The following CCDC171 variants were observed in gnomAD, a reference collection of about 807,000 sequenced individuals.
CCDC171 encodes the protein coiled-coil domain containing 171.
Under a neutral mutation model 168.2 loss-of-function variants are expected in CCDC171, and 177 were observed. The observed-to-expected ratio is 1.05, with a 90% CI of 0.93 to 1.19. CCDC171 has a LOEUF of 1.19. CCDC171 is among the 50% of genes most tolerant of loss of function. The pLI, the probability that CCDC171 is intolerant of heterozygous loss-of-function variation, is 0.00. For missense variants in CCDC171, 1,991 were observed against 1,539.0 expected, an observed-to-expected ratio of 1.29 and a Z score of -4.91; for synonymous variants, 687 against 540.8, an observed-to-expected ratio of 1.27 and a Z score of -3.75.
intron 21 of CCDC171, among the ~76,000 whole-genome samples, chr9:15,824,442 C>G (rs570594849): frequency 6.6e-6 from 1 of 151,726 alleles, no homozygotes; most frequent in African/African-American, 2.4e-5. Flanking sequence ...TTGTCATTTG[C>G]GTGTTCAGTC....
At chr9:16,035,180 G>A (rs753659894) in intron 6 of CCDC171, among the ~76,000 whole-genome samples, 50 of 152,280 alleles carry the variant, frequency 3.3e-4, no homozygotes, top group Non-Finnish European at 5.0e-4. Context: ...GTTTATAACA[G>A]CATTTGGAGA....
At chr9:15,967,569 A>G (rs1830926517) in intron 25 of CCDC171, among the ~76,000 whole-genome samples, 1 of 152,196 alleles carries the variant, frequency 6.6e-6, no homozygotes, top group Non-Finnish European at 1.5e-5. Flanking sequence ...GGTTTATAGT[A>G]TATTCTGTCA....
chr9:15,906,459 A>G (rs185817143), intron 24 of CCDC171, among the ~76,000 whole-genome samples: 2 of 152,372 alleles, frequency 1.3e-5, no homozygotes, highest in East Asian at 3.9e-4. Flanking sequence ...AAGGCCTTTG[A>G]CAAAATTGGA....
chr9:15,746,806 C>G (rs1352046953), intron 18 of CCDC171, among the ~76,000 whole-genome samples: 1 of 152,162 alleles, frequency 6.6e-6, no homozygotes, highest in East Asian at 1.9e-4. Context: ...TGTCACCTCA[C>G]CTGGGAAGCA....
At chr9:15,638,219 G>C (rs1206989409) in intron 7 of CCDC171, among the ~76,000 whole-genome samples, 1 of 152,002 alleles carries the variant, frequency 6.6e-6, no homozygotes, top group Non-Finnish European at 1.5e-5. Context: ...AGTCTTCTAA[G>C]TTACCTATGA....
chr9:15,818,269 A>T (rs1241843592), intron 21 of CCDC171, among the ~76,000 whole-genome samples: 1 of 117,432 alleles, frequency 8.5e-6, no homozygotes, highest in Non-Finnish European at 1.9e-5. Flanking sequence ...AATACTGGAA[A>T]CTGTAAAAAA....
rs1158329351 is a variant in CCDC171, at chr9:15,817,652, C to T, written c.3268-29050C>T. On this transcript the variant is annotated intron_variant, in intron 21 of 25. Coordinates refer to ENST00000380701, the MANE Select transcript of CCDC171 (RefSeq NM_173550.4). ...GGTGGCAGGGAGGCTGGGGGAGGGG[C>T]GCCTGCCATTGCTGAGGCTTGAGTA... 3.4e-5 allele frequency among the ~76,000 whole-genome samples: 4 copies of T among 118,350 alleles called. 1 individual carries two copies. Among genetic ancestry groups the T allele is most frequent in the Non-Finnish European group, 7.6e-5 (4 of 52,428 alleles). 77.6% of individuals were successfully genotyped at this position (118,350 alleles called of 152,430 possible). A position where few individuals can be genotyped will look rare whatever the true frequency, so the allele number is the denominator to read the frequency against.
intron 25 of CCDC171, among the ~76,000 whole-genome samples, chr9:15,946,258 G>A (rs7852381): frequency 0.024 from 3,700 of 152,040 alleles, 129 homozygotes; most frequent in African/African-American, 0.083. Flanking sequence ...TTTGGTACCA[G>A]TACCATGCTG....
chr9:15,801,631 A>C (rs952580922), intron 21 of CCDC171, among the ~76,000 whole-genome samples: 3 of 151,986 alleles, frequency 2.0e-5, no homozygotes, highest in Non-Finnish European at 4.4e-5. Flanking sequence ...TGATTGCTCG[A>C]GCTAGGACTT....
chr9:15,711,700 G>C (rs2052679683), intron 11 of CCDC171, among the ~76,000 whole-genome samples: 1 of 152,172 alleles, frequency 6.6e-6, no homozygotes, highest in Admixed American at 6.5e-5. Context: ...GGGAAAGTAA[G>C]GTCAGATAAA....
chr9:15,664,693 TG>T (rs1356806098), intron 8 of CCDC171, among the ~76,000 whole-genome samples: 359 of 139,240 alleles, frequency 2.6e-3, no homozygotes, highest in African/African-American at 8.7e-3. Flanking sequence ...AATATAGTTT[TG>T]TTTTTTTTTT....
downstream of CCDC171, among the ~76,000 whole-genome samples, chr9:15,974,569 A>G (rs1229174629): frequency 2.0e-5 from 3 of 152,220 alleles, no homozygotes; most frequent in Admixed American, 1.3e-4. Flanking sequence ...ATTAATTCTT[A>G]AAGTTATTGT....
intron 6 of CCDC171, among the ~76,000 whole-genome samples, chr9:15,616,436 T>G (rs2044089278): frequency 6.6e-6 from 1 of 151,962 alleles, no homozygotes. Context: ...TAATTTATTT[T>G]ACTATTTTAT....
At chr9:16,027,863 G>A (rs987652469) in intron 6 of CCDC171, among the ~76,000 whole-genome samples, 3 of 152,128 alleles carry the variant, frequency 2.0e-5, no homozygotes, top group African/African-American at 4.8e-5. Context: ...CATGGAATTG[G>A]GAAATATTGT....
At chr9:15,713,147 C>T (rs2052802295) in intron 11 of CCDC171, among the ~76,000 whole-genome samples, 1 of 152,198 alleles carries the variant, frequency 6.6e-6, no homozygotes, top group Admixed American at 6.5e-5. Context: ...TTCTCTCATT[C>T]TAGGAAGAAT....
In CCDC171 at chr9:15,627,640, C is replaced by T. The variant is rs538765108; in HGVS notation, c.822+4227C>T. 7.9e-4 allele frequency among the ~76,000 whole-genome samples: 121 copies of T among 152,302 alleles called. 1 individual carries two copies. Among genetic ancestry groups the T allele is most frequent in the South Asian group, 1.7e-3 (8 of 4,822 alleles). ...TAGTTGAGTGGTTTTGAATGAGTTTCTTAATCCTGAGTTCTAGTTTGAATG... is the reference window on the plus strand; with the variant it reads ...TAGTTGAGTGGTTTTGAATGAGTTTTTTAATCCTGAGTTCTAGTTTGAATG... On this transcript the variant is annotated intron_variant, in intron 7 of 25. Transcript: ENST00000380701.
chr9:16,070,863 A>AG, the CCDC171 span, among the ~76,000 whole-genome samples: 1 of 152,138 alleles, frequency 6.6e-6, no homozygotes, highest in South Asian at 2.1e-4. Flanking sequence ...CTCCTTCTTC[A>AG]GGGGAAGCCC....
At chr9:15,969,199 C>A (rs948891733) in intron 25 of CCDC171, among the ~76,000 whole-genome samples, 5 of 152,106 alleles carry the variant, frequency 3.3e-5, no homozygotes, top group African/African-American at 1.2e-4. Flanking sequence ...TGAAAGGGTG[C>A]TTTCAGACGA....
chr9:16,092,801 A>G, the CCDC171 span, among the ~76,000 whole-genome samples: 3 of 152,116 alleles, frequency 2.0e-5, no homozygotes, highest in Non-Finnish European at 4.4e-5. Flanking sequence ...TCTGGTCTCC[A>G]TGGACTGTCA....
Sources: allele counts gnomAD v4.1 joint callset (sites outside exome capture counted in the v4.1 genomes callset), GRCh38; gene constraint gnomAD v4.1.1; transcripts MANE v1.5; gene names NCBI Gene and HGNC (gene_info 2026-07-23, HGNC 2026-07-21).